ZNF729: variants seen among roughly 807,000 people sequenced by gnomAD.
ZNF729 encodes the protein zinc finger protein 729.
ZNF729 carries 15 observed loss-of-function variants against 12.2 expected under a neutral mutation model. That is an observed-to-expected ratio of 1.23 (90% CI 0.82 to 1.89). The LOEUF is 1.89. ZNF729 is among the 40% of genes most tolerant of loss of function. The pLI is 0.00. For synonymous variants in ZNF729, 492 were observed against 476.3 expected (o/e 1.03, Z -0.43); for missense variants, 1,540 against 1,456.7 (o/e 1.06, Z -0.93).
chr19:22,314,573 A>C lies in ZNF729; in HGVS notation c.1156A>C (p.Lys386Gln), dbSNP rs752975586. ...YKCEECGKAF[K>Q]WSSKLTVHKV... ...ATGTGAAGAATGTGGTAAAGCTTTTAAGTGGTCTTCAAAACTTACTGTACA... is the reference window on the plus strand; with the variant it reads ...ATGTGAAGAATGTGGTAAAGCTTTTCAGTGGTCTTCAAAACTTACTGTACA... The change falls in exon 4 of 4, where the codon AAG becomes CAG. Residue 386 changes from lysine to glutamine, a missense_variant. Transcript: ENST00000601693. 2.5e-6 allele frequency: 4 copies of C among 1,611,676 alleles called. No individual in the cohort carries two copies. The highest frequency in any genetic ancestry group is 3.4e-6 in the Non-Finnish European group (4 of 1,179,804).
intron 1 of ZNF729, among the ~76,000 whole-genome samples, chr19:22,293,467 T>G (rs1037220790): frequency 2.6e-4 from 38 of 148,682 alleles, no homozygotes; most frequent in Admixed American, 8.9e-4. Flanking sequence ...ATTACAGGCG[T>G]GAGCCACCAC....
In ZNF729 at chr19:22,314,363, G is replaced by C. The variant is rs574638391; in HGVS notation, c.946G>C (p.Ala316Pro). The C allele has an allele frequency of 1.3e-6, 2 of 1,586,862 alleles. No individual in the cohort carries two copies. The highest frequency in any genetic ancestry group is 4.5e-5 in the East Asian group (2 of 44,512). The change falls in exon 4 of 4, where the codon GCA becomes CCA. Residue 316 changes from alanine to proline, a missense_variant. Physicochemically the swap from Ala to Pro is conservative, Grantham distance 27. Transcript: ENST00000601693. Reference sequence around the variant, plus strand: ...TAATGCACATAAGGTAATTCATACTGCAGAGAAACCCTACAAATGTGAAGA... The same window carrying C: ...TAATGCACATAAGGTAATTCATACTCCAGAGAAACCCTACAAATGTGAAGA... ...NFNAHKVIHT[A>P]EKPYKCEDCG...
chr19:22,307,630 G>A (rs113212530), intron 3 of ZNF729, among the ~76,000 whole-genome samples: 1 of 150,116 alleles, frequency 6.7e-6, no homozygotes, highest in East Asian at 2.0e-4. Flanking sequence ...GTAGTCCCAG[G>A]TACTCGGGAG....
chr19:22,295,012 C>T (rs1300290688), intron 1 of ZNF729, among the ~76,000 whole-genome samples: 1 of 149,336 alleles, frequency 6.7e-6, no homozygotes, highest in African/African-American at 2.5e-5. Context: ...TCTTTCACTT[C>T]TCTGGTTAGG....
chr19:22,289,136 T>C (rs1013439805), intron 1 of ZNF729, among the ~76,000 whole-genome samples: 1 of 151,990 alleles, frequency 6.6e-6, no homozygotes, highest in Non-Finnish European at 1.5e-5. Flanking sequence ...TAGTAGGGAT[T>C]GAAAGAAAGA....
chr19:22,314,580 C>A lies in ZNF729; in HGVS notation c.1163C>A (p.Ser388Tyr), dbSNP rs1234992629. 7 of 1,610,386 alleles carry A rather than the reference C, an allele frequency of 4.3e-6. No homozygotes were observed. Among genetic ancestry groups the A allele is most frequent in the Non-Finnish European group, 5.1e-6 (6 of 1,179,602 alleles). ...CEECGKAFKW[S>Y]SKLTVHKVVH... ...GAATGTGGTAAAGCTTTTAAGTGGT[C>A]TTCAAAACTTACTGTACATAAGGTA... Residue 388 changes from serine (S) to tyrosine (Y), a missense_variant, in exon 4 of 4, where the codon TCT becomes TAT. Transcript: ENST00000601693.
At chr19:22,310,191 G>A (rs764709645) in intron 3 of ZNF729, among the ~76,000 whole-genome samples, 1 of 151,828 alleles carries the variant, frequency 6.6e-6, no homozygotes, top group Non-Finnish European at 1.5e-5. Context: ...TACCAATTTC[G>A]ATGCCCTATC....
At chr19:22,307,883 T>A (rs748098599) in intron 3 of ZNF729, among the ~76,000 whole-genome samples, 1 of 148,942 alleles carries the variant, frequency 6.7e-6, no homozygotes, top group South Asian at 2.1e-4. Flanking sequence ...CTTAAGTTAT[T>A]GGGGTACAAG....
chr19:22,315,909 A>G lies in ZNF729; in HGVS notation c.2492A>G (p.Lys831Arg). Residue 831 changes from lysine to arginine, a missense_variant, in exon 4 of 4, where the codon AAA becomes AGA. Coordinates refer to ENST00000601693, the MANE Select transcript of ZNF729 (RefSeq NM_001242680.2). ...CCCTGCAAATGTGAAGAATGTGGCA[A>G]AGCTTTTAAGCATTTCTCAGCCCTT... is the stretch of plus-strand genomic sequence containing the variant. ...EKPCKCEECG[K>R]AFKHFSALRK... The G allele has an allele frequency of 1.2e-6, 2 of 1,611,126 alleles. No individual in the cohort carries two copies. The highest frequency in any genetic ancestry group is 1.1e-5 in the South Asian group (1 of 91,054).
rs749342324 is a variant in ZNF729, at chr19:22,314,665, C to T, written c.1248C>T (p.Phe416=). 1.8e-4 allele frequency: 286 copies of T among 1,612,286 alleles called. 1 individual carries two copies. Among genetic ancestry groups the T allele is most frequent in the Non-Finnish European group, 2.3e-4 (273 of 1,179,716 alleles). ...AATGTGGCAAAGCTTTTAGCCAGTT[C>T]TCAACCCTTAAAAAACATAAGATAA... ...CEECGKAFSQ[F]STLKKHKIIH... The change falls in exon 4 of 4, where the codon TTC becomes TTT. Residue 416 remains phenylalanine, a synonymous_variant. Coordinates refer to ENST00000601693, the MANE Select transcript of ZNF729 (RefSeq NM_001242680.2).
chr19:22,301,224 C>G (rs951341625), intron 1 of ZNF729, among the ~76,000 whole-genome samples: 9 of 152,186 alleles, frequency 5.9e-5, no homozygotes, highest in Non-Finnish European at 1.0e-4. Context: ...TCAACCCACT[C>G]TCTGTCCATC....
At chr19:22,297,698 AAAGCTCATATT>A (rs1968247011) in intron 1 of ZNF729, among the ~76,000 whole-genome samples, 1 of 151,848 alleles carries the variant, frequency 6.6e-6, no homozygotes, top group South Asian at 2.1e-4. Flanking sequence ...TGTTTAGATT[AAAGCTCATATT>A]AAGAACACGT....
Position 22,296,366 on chromosome 19 carries a change from G to A in ZNF729, c.31-7392G>A, listed in dbSNP as rs11879859. ...TGTTCAGTCTTTGGAGAATGTATTT[G>A]TCTAGAAATTTATGTATTTCTATTA... On this transcript the variant is annotated intron_variant, in intron 1 of 3. Coordinates refer to ENST00000601693, the MANE Select transcript of ZNF729 (RefSeq NM_001242680.2). Among the ~76,000 whole-genome samples, 231 of 152,216 alleles carry A rather than the reference G, an allele frequency of 1.5e-3. 2 individuals carry two copies. The highest frequency in any genetic ancestry group is 4.9e-3 in the African/African-American group (204 of 41,554).
chr19:22,313,881 A>G lies in ZNF729; in HGVS notation c.464A>G (p.Gln155Arg). 2 of 1,544,610 alleles carry G rather than the reference A, an allele frequency of 1.3e-6. No homozygotes were observed. Among genetic ancestry groups the G allele is most frequent in the African/African-American group, 1.4e-5 (1 of 73,144 alleles). Residue 155 changes from glutamine to arginine, a missense_variant, in exon 4 of 4, where the codon CAG becomes CGG. Transcript: ENST00000601693. ...CRTATQRKIF[Q>R]CNKHMKVFHK... ...ACAGCTACCCAGAGAAAAATATTTC[A>G]GTGTAACAAACATATGAAAGTCTTT... is the stretch of plus-strand genomic sequence containing the variant.
In ZNF729 at chr19:22,313,654, AT is replaced by A; in HGVS notation, c.254-12del. The A allele has an allele frequency of 7.0e-7, 1 of 1,437,552 alleles. No individual in the cohort carries two copies. The allele number at this position is 1,437,552 out of a possible 1,614,324, so 89.0% of individuals were successfully genotyped here. Reference sequence around the variant, plus strand: ...AGTCTAGCAAGTGGAATAATTTGTTATTTTTATTTCTTCTAGTTATGCGTTC... The same window carrying A: ...AGTCTAGCAAGTGGAATAATTTGTTATTTTATTTCTTCTAGTTATGCGTTC... On this transcript the variant is annotated splice_polypyrimidine_tract_variant and intron_variant, in intron 3 of 3. Coordinates refer to ENST00000601693, the MANE Select transcript of ZNF729 (RefSeq NM_001242680.2).
intron 1 of ZNF729, among the ~76,000 whole-genome samples, chr19:22,298,005 CAAA>C (rs34435303): frequency 0.012 from 796 of 68,126 alleles, 8 homozygotes; most frequent in African/African-American, 0.042. Flanking sequence ...AACTCCATCT[CAAA>C]AAAAAAAAAA....
At chr19:22,292,211 C>T (rs1206324256) in intron 1 of ZNF729, among the ~76,000 whole-genome samples, 1 of 152,154 alleles carries the variant, frequency 6.6e-6, no homozygotes, top group Non-Finnish European at 1.5e-5. Flanking sequence ...CCACCCTTAA[C>T]TAGAACTCAG....
At chr19:22,308,562 C>A (rs954039683) in intron 3 of ZNF729, among the ~76,000 whole-genome samples, 2 of 151,846 alleles carry the variant, frequency 1.3e-5, no homozygotes, top group Non-Finnish European at 2.9e-5. Context: ...TTTATTATGG[C>A]CATTTTTGCA....
chr19:22,301,968 C>T (rs1968312853), intron 1 of ZNF729, among the ~76,000 whole-genome samples: 1 of 152,308 alleles, frequency 6.6e-6, no homozygotes, highest in East Asian at 1.9e-4. Flanking sequence ...ATCATTGGGT[C>T]ATTAGCCCAG....
Sources: gnomAD v4.1 joint callset for allele counts (sites outside exome capture counted in the v4.1 genomes callset) on GRCh38, gnomAD v4.1.1 for gene constraint, MANE v1.5 for transcripts, NCBI Gene and HGNC (gene_info 2026-07-23, HGNC 2026-07-21) for gene names.